CFAP299: variants seen among roughly 807,000 people sequenced by gnomAD.
CFAP299 encodes cilia and flagella associated protein 299, also known as cilia- and flagella-associated protein 299.
Under a neutral mutation model 27.0 loss-of-function variants are expected in CFAP299, and 21 were observed. The observed-to-expected ratio is 0.78, with a 90% CI of 0.55 to 1.12. The LOEUF (loss-of-function observed/expected upper bound fraction) is 1.12, where lower values mean the gene tolerates loss of function less well. Ranked by LOEUF, CFAP299 falls within the 50% of genes most tolerant of loss-of-function variation. The pLI, the probability that CFAP299 is intolerant of heterozygous loss-of-function variation, is 0.00. For missense variants in CFAP299, 310 were observed against 276.6 expected, an observed-to-expected ratio of 1.12 and a Z score of -0.86; for synonymous variants, 104 against 98.1, an observed-to-expected ratio of 1.06 and a Z score of -0.36.
At chr4:80,473,831 A>G (rs1232542550) in intron 2 of CFAP299, among the ~76,000 whole-genome samples, 1 of 152,174 alleles carries the variant, frequency 6.6e-6, no homozygotes, top group South Asian at 2.1e-4. Flanking sequence ...GGCTGAAGCA[A>G]TCCTCCCACC....
chr4:80,798,595 A>C (rs908288489), intron 3 of CFAP299, among the ~76,000 whole-genome samples: 3 of 151,970 alleles, frequency 2.0e-5, no homozygotes, highest in Non-Finnish European at 4.4e-5. Flanking sequence ...CTTTTTTTCC[A>C]CAATTTCAGC....
chr4:80,875,333 A>G (rs76572764), intron 4 of CFAP299, among the ~76,000 whole-genome samples: 4,609 of 152,266 alleles, frequency 0.03, 238 homozygotes, highest in African/African-American at 0.1. Context: ...TTCCCACAAA[A>G]TATCTTGGAC....
chr4:80,577,893 C>T lies in CFAP299; in HGVS notation c.243-5200C>T, dbSNP rs145733523. On this transcript the variant is annotated intron_variant, in intron 2 of 5. Coordinates refer to ENST00000358105, the MANE Select transcript of CFAP299 (RefSeq NM_152770.3). Reference sequence around the variant, plus strand: ...TTCCAATTATTTTCCTTTTGTTATTCATTCGTTTTGAGTGTTAAGCTAATA... The same window carrying T: ...TTCCAATTATTTTCCTTTTGTTATTTATTCGTTTTGAGTGTTAAGCTAATA... Among the ~76,000 whole-genome samples the T allele has an allele frequency of 1.2e-3, 189 of 152,166 alleles. 1 individual carries two copies. The highest frequency in any genetic ancestry group is 4.4e-3 in the South Asian group (21 of 4,814).
intron 1 of CFAP299, among the ~76,000 whole-genome samples, chr4:80,352,259 A>G (rs970586473): frequency 2.0e-5 from 3 of 152,196 alleles, no homozygotes; most frequent in Non-Finnish European, 4.4e-5. Context: ...AAATGTAAGT[A>G]TGTAAAAGAT....
intron 3 of CFAP299, among the ~76,000 whole-genome samples, chr4:80,799,853 ATAAAT>A (rs1370737616): frequency 2.8e-5 from 1 of 35,242 alleles, no homozygotes; most frequent in African/African-American, 1.4e-4. Context: ...TATATAATAT[ATAAAT>A]ATATATTATA....
At chr4:80,843,813 C>A (rs867431003) in intron 3 of CFAP299, among the ~76,000 whole-genome samples, 22 of 151,560 alleles carry the variant, frequency 1.5e-4, no homozygotes, top group African/African-American at 4.6e-4. Flanking sequence ...CACAATGTGC[C>A]GGTTTGTTAC....
chr4:80,796,267 T>G (rs1234693049), intron 3 of CFAP299, among the ~76,000 whole-genome samples: 1 of 152,152 alleles, frequency 6.6e-6, no homozygotes, highest in Admixed American at 6.5e-5. Context: ...CCTCTAGAAA[T>G]TTTACTGAGG....
At chr4:80,750,530 AC>A (rs1361202061) in intron 3 of CFAP299, among the ~76,000 whole-genome samples, 1 of 152,192 alleles carries the variant, frequency 6.6e-6, no homozygotes, top group African/African-American at 2.4e-5. Flanking sequence ...TTAAAAGTGC[AC>A]CTGTCTATCA....
In CFAP299 at chr4:80,677,836, A is replaced by G. The variant is rs555326062; in HGVS notation, c.333+94653A>G. 3.9e-5 allele frequency among the ~76,000 whole-genome samples: 6 copies of G among 152,164 alleles called. No homozygotes were observed. The East Asian group carries it at 7.7e-4, about 20-fold the overall frequency. ...TTGTCTGAAATTCTTCATGTGTGGCATTAGTTTAGTCCAAAGTCTACATTT... is the reference window on the plus strand; with the variant it reads ...TTGTCTGAAATTCTTCATGTGTGGCGTTAGTTTAGTCCAAAGTCTACATTT... On this transcript the variant is annotated intron_variant, in intron 3 of 5. Coordinates refer to ENST00000358105, the MANE Select transcript of CFAP299 (RefSeq NM_152770.3).
intron 3 of CFAP299, among the ~76,000 whole-genome samples, chr4:80,774,348 T>C (rs1411646668): frequency 2.0e-5 from 3 of 151,904 alleles, no homozygotes; most frequent in African/African-American, 4.8e-5. Context: ...AATAATAATA[T>C]TAACTTAAAA....
rs138348897 is a variant in CFAP299, at chr4:80,884,869, A to G, written c.476+14734A>G. Among the ~76,000 whole-genome samples, 415 of 152,226 alleles carry G rather than the reference A, an allele frequency of 2.7e-3. 5 individuals carry two copies. The highest frequency in any genetic ancestry group is 9.4e-3 in the African/African-American group (389 of 41,536). ...CTTCACACATAAAAGCACAATCACA[A>G]CTGTTAACAATTGTCACAAGAACCA... On this transcript the variant is annotated intron_variant, in intron 4 of 5. Coordinates refer to ENST00000358105, the MANE Select transcript of CFAP299 (RefSeq NM_152770.3).
chr4:80,794,780 T>C (rs1419404703), intron 3 of CFAP299, among the ~76,000 whole-genome samples: 5 of 152,212 alleles, frequency 3.3e-5, no homozygotes, highest in Non-Finnish European at 7.3e-5. Flanking sequence ...AGTAAGTGTA[T>C]ATTCCAGCGA....
chr4:80,493,713 T>C (rs1177114843), intron 2 of CFAP299, among the ~76,000 whole-genome samples: 1 of 151,906 alleles, frequency 6.6e-6, no homozygotes, highest in Non-Finnish European at 1.5e-5. Flanking sequence ...GACTTAAATT[T>C]ATATCTAGCT....
At position 80,479,990 on chromosome 4, in the gene CFAP299, G is replaced by GT. The variant is rs540198124; in HGVS notation, c.243-103095dup. Among the ~76,000 whole-genome samples, 45 of 151,914 alleles carry GT rather than the reference G, an allele frequency of 3.0e-4. No homozygotes were observed. The East Asian group carries it at 3.5e-3, about 12-fold the overall frequency. On this transcript the variant is annotated intron_variant, in intron 2 of 5. Transcript: ENST00000358105. The stretch of plus-strand genomic sequence containing the variant: ...AGTATCTGCTAATGGTTGTATTCAA[G>GT]TTTTTTTTAAATAGTTATATGCAGC...
At chr4:80,605,041 T>C (rs1168088344) in intron 3 of CFAP299, among the ~76,000 whole-genome samples, 2 of 152,148 alleles carry the variant, frequency 1.3e-5, no homozygotes, top group Non-Finnish European at 2.9e-5. Context: ...TTGCTACCAG[T>C]GAAAATGGGG....
intron 3 of CFAP299, among the ~76,000 whole-genome samples, chr4:80,715,758 A>G (rs909265088): frequency 6.6e-6 from 1 of 152,012 alleles, no homozygotes; most frequent in African/African-American, 2.4e-5. Context: ...CTTTTGTGCT[A>G]TTGGCCATTT....
At chr4:80,605,439 C>T (rs911741979) in intron 3 of CFAP299, among the ~76,000 whole-genome samples, 2 of 152,088 alleles carry the variant, frequency 1.3e-5, no homozygotes. Flanking sequence ...ACTTTAAATA[C>T]AGACTGGAAA....
At chr4:80,690,611 C>T (rs1720601464) in intron 3 of CFAP299, among the ~76,000 whole-genome samples, 5 of 152,140 alleles carry the variant, frequency 3.3e-5, no homozygotes, top group Admixed American at 3.3e-4. Flanking sequence ...AAAATTGACA[C>T]CCTAACATCA....
chr4:80,804,452 A>G (rs77584015), intron 3 of CFAP299, among the ~76,000 whole-genome samples: 3,044 of 152,114 alleles, frequency 0.02, 76 homozygotes, highest in South Asian at 0.06. Flanking sequence ...ATGTGTCAGA[A>G]TTTCCTTTCT....
Sources: gnomAD v4.1 joint callset for allele counts (sites outside exome capture counted in the v4.1 genomes callset) on GRCh38, gnomAD v4.1.1 for gene constraint, MANE v1.5 for transcripts, NCBI Gene and HGNC (gene_info 2026-07-23, HGNC 2026-07-21) for gene names.